Variants in BCOR observed in about 807,000 individuals in gnomAD.
BCOR encodes the protein BCL6 corepressor.
A neutral mutation model predicts 86.7 loss-of-function variants in BCOR; 10 were observed. The ratio of observed to expected loss-of-function variants is 0.12; its 90% CI spans 0.07 to 0.20. The LOEUF is 0.20. BCOR is among the 10% of genes least tolerant of loss of function. BCOR has a pLI of 1.00. For missense variants in BCOR, 1,259 were observed against 1,452.1 expected (o/e 0.87, Z 2.16); for synonymous variants, 611 against 609.0 (o/e 1.00, Z -0.05).
rs1013418049 is a variant in BCOR, at chrX:40,124,634, A to G, written c.-40-46665T>C. On this transcript the variant is annotated intron_variant, in intron 1 of 14. Transcript: ENST00000342274. Reference sequence around the variant, plus strand: ...CACTTCTTTTTGAGAGGGGGGTCTCACTCTGTCACCCAGGCTGGAATTCAG... The same window carrying G: ...CACTTCTTTTTGAGAGGGGGGTCTCGCTCTGTCACCCAGGCTGGAATTCAG... Among the ~76,000 whole-genome samples, 12 of 108,512 alleles carry G rather than the reference A, an allele frequency of 1.1e-4. 1 individual carries two copies. The highest frequency in any genetic ancestry group is 4.1e-4 in the African/African-American group (12 of 29,560). The allele number at this position is 108,512 out of a possible 115,157, so 94.2% of individuals were successfully genotyped here.
At position 40,064,559 on chromosome X, in the gene BCOR, T is replaced by A; in HGVS notation, c.3279A>T (p.Glu1093Asp). ...SVGNKHRDPF[E>D]APEDKDLPVE... is the part of the protein sequence containing the mutation. ...CAGGAAGATCTTTGTCCTCTGGGGCTTCAAAGGGATCACGGTGCTTGTTTC... is the reference window on the plus strand; with the variant it reads ...CAGGAAGATCTTTGTCCTCTGGGGCATCAAAGGGATCACGGTGCTTGTTTC... The change falls in exon 7 of 15, where the codon GAA (glutamate) becomes GAT (aspartate). Residue 1093 changes from glutamate to aspartate, a missense_variant. Around this residue, in one of 7 missense-constraint regions of BCOR, gnomAD observed 305 missense variants for 286.1 expected, o/e 1.07. Transcript: ENST00000378444. 1 of 1,211,641 alleles carries A rather than the reference T, an allele frequency of 8.3e-7. No individual in the cohort carries two copies. The highest frequency in any genetic ancestry group is 1.1e-6 in the Non-Finnish European group (1 of 895,327).
intron 1 of BCOR, among the ~76,000 whole-genome samples, chrX:40,159,297 A>C (rs1333080499): frequency 1.8e-5 from 2 of 112,568 alleles, no homozygotes; most frequent in African/African-American, 3.2e-5. Context: ...ACAATACCCC[A>C]TTTGAAATCA....
At chrX:40,057,074 T>A (rs1934635387) in intron 11 of BCOR, 81 bp downstream of exon 11, 5 of 1,082,312 alleles carry the variant, frequency 4.6e-6, no homozygotes, top group Non-Finnish European at 6.4e-6. Flanking sequence ...GAATTTCCCG[T>A]ATACACTGAG....
chrX:40,059,911 G>A (rs1276009946), intron 10 of BCOR, among the ~76,000 whole-genome samples: 1 of 112,676 alleles, frequency 8.9e-6, no homozygotes, highest in Admixed American at 9.4e-5. Context: ...AGAACAGACA[G>A]GTTCAACTGT....
At chrX:40,135,191 C>A (rs1937654120) in intron 1 of BCOR, among the ~76,000 whole-genome samples, 3 of 110,941 alleles carry the variant, frequency 2.7e-5, no homozygotes, top group Non-Finnish European at 5.7e-5. Flanking sequence ...GCACAGCCTG[C>A]GAGACTGGCT....
chrX:40,089,324 A>C (rs903540101), intron 1 of BCOR, among the ~76,000 whole-genome samples: 2 of 112,061 alleles, frequency 1.8e-5, no homozygotes, highest in Admixed American at 1.9e-4. Flanking sequence ...CTAGTAAAAA[A>C]TGGGCCACGG....
upstream of BCOR, among the ~76,000 whole-genome samples, chrX:40,098,718 C>A (rs1039077527): frequency 2.2e-4 from 25 of 111,301 alleles, no homozygotes; most frequent in Non-Finnish European, 3.4e-4. Flanking sequence ...CCCAGTTTGC[C>A]CCTTCCTCCC....
rs1224447912 is a variant in BCOR, at chrX:40,063,678, C to A, written c.3777G>T (p.Arg1259Ser). Residue 1259 changes from arginine to serine, a missense_variant, in exon 8 of 15, where the codon AGG (arginine) becomes AGT (serine). By Grantham distance (110) the Arg-to-Ser change is moderately radical. Around this residue, in one of 7 missense-constraint regions of BCOR, gnomAD observed 305 missense variants for 286.1 expected, o/e 1.07. Coordinates refer to ENST00000378444, the MANE Select transcript of BCOR (RefSeq NM_001123385.2). ...GTNITEEKPG[R>S]KRAEAKGNRS... Reference sequence around the variant, plus strand: ...TGTTGCCTTTGGCCTCTGCCCTTTTCCTGCCAGGTTTCTCTTCAGTGATGT... The same window carrying A: ...TGTTGCCTTTGGCCTCTGCCCTTTTACTGCCAGGTTTCTCTTCAGTGATGT... 1 of 1,211,516 alleles carries A rather than the reference C, an allele frequency of 8.3e-7. No homozygotes were observed. The highest frequency in any genetic ancestry group is 1.7e-5 in the African/African-American group (1 of 57,778).
chrX:40,161,782 G>A (rs964670184), intron 1 of BCOR, among the ~76,000 whole-genome samples: 2 of 111,784 alleles, frequency 1.8e-5, no homozygotes, highest in African/African-American at 6.5e-5. Context: ...CAAAGTGCTG[G>A]GATTACAGGC....
At chrX:40,152,757 T>G (rs1938195622) in intron 1 of BCOR, among the ~76,000 whole-genome samples, 1 of 112,252 alleles carries the variant, frequency 8.9e-6, no homozygotes, top group Admixed American at 9.3e-5. Context: ...CCCTCCTCAC[T>G]GAATGTCTGC....
intron 1 of BCOR, among the ~76,000 whole-genome samples, chrX:40,117,051 A>G (rs928477157): frequency 8.9e-6 from 1 of 112,328 alleles, no homozygotes; most frequent in African/African-American, 3.2e-5. Flanking sequence ...TCAGTTTCCA[A>G]GATAATTTAG....
chrX:40,066,646 G>A (rs376348005), intron 6 of BCOR, among the ~76,000 whole-genome samples: 5 of 111,918 alleles, frequency 4.5e-5, no homozygotes, highest in East Asian at 2.8e-4. Context: ...CCAATCAGCC[G>A]CCCCTGAAAG....
chrX:40,062,908 T>C lies in BCOR; in HGVS notation c.4011A>G (p.Glu1337=). 5.0e-6 allele frequency: 6 copies of C among 1,210,689 alleles called. No homozygotes were observed. Among genetic ancestry groups the C allele is most frequent in the Non-Finnish European group, 6.7e-6 (6 of 894,894 alleles). The change falls in exon 9 of 15, where the codon GAA becomes GAG. Residue 1337 remains glutamate, a synonymous_variant. Transcript: ENST00000378444. ...NQKTDVLCAD[E]EEDCQAASLL... is the part of the protein sequence containing the mutation. ...GGGAGGCAGCCTGGCAATCCTCTTCTTCGTCTGCACACAGCACATCTGTCT... is the reference window on the plus strand; with the variant it reads ...GGGAGGCAGCCTGGCAATCCTCTTCCTCGTCTGCACACAGCACATCTGTCT...
intron 1 of BCOR, among the ~76,000 whole-genome samples, chrX:40,156,137 T>A (rs1938288628): frequency 8.9e-6 from 1 of 112,508 alleles, no homozygotes; most frequent in South Asian, 3.7e-4. Context: ...TGGCAGGAAA[T>A]TAATATTTAA....
chrX:40,090,027 C>A (rs1936530479), intron 1 of BCOR, among the ~76,000 whole-genome samples: 1 of 112,215 alleles, frequency 8.9e-6, no homozygotes, highest in South Asian at 3.7e-4. Context: ...CCCAACATCC[C>A]CTCCCCACCC....
chrX:40,067,247 GACTA>G (rs1326225871), intron 6 of BCOR, among the ~76,000 whole-genome samples: 1 of 111,754 alleles, frequency 8.9e-6, no homozygotes, highest in Admixed American at 9.4e-5. Context: ...AACAGGCAGT[GACTA>G]ACTGGGGACC....
chrX:40,172,999 G>T (rs750168300), intron 1 of BCOR, among the ~76,000 whole-genome samples: 1 of 112,764 alleles, frequency 8.9e-6, no homozygotes, highest in Non-Finnish European at 1.9e-5. Context: ...TGCCGCGGAG[G>T]AGCCACAGTA....
chrX:40,155,647 G>C (rs1443186326), intron 1 of BCOR, among the ~76,000 whole-genome samples: 2 of 112,509 alleles, frequency 1.8e-5, no homozygotes, highest in African/African-American at 6.5e-5. Flanking sequence ...GGGGGTGTGG[G>C]GGGGGGAAAG....
intron 1 of BCOR, among the ~76,000 whole-genome samples, chrX:40,123,370 T>G (rs1414376882): frequency 9.2e-6 from 1 of 108,907 alleles, no homozygotes; most frequent in Non-Finnish European, 1.9e-5. Context: ...CTTTTTTTTT[T>G]TGAGACAGTT....
Sources: gnomAD v4.1 joint callset for allele counts (sites outside exome capture counted in the v4.1 genomes callset) on GRCh38, gnomAD v4.1.1 for gene constraint, gnomAD v4.1.1 regional missense constraint, MANE v1.5 for transcripts, NCBI Gene and HGNC (gene_info 2026-07-23, HGNC 2026-07-21) for gene names.